The following KLHDC4 variants were observed in gnomAD, a reference collection of about 807,000 sequenced individuals.
KLHDC4 encodes kelch domain-containing protein 4.
In KLHDC4, 90 loss-of-function variants were observed where a neutral mutation model predicts 62.4. The ratio of observed to expected loss-of-function variants is 1.44; its 90% CI spans 1.22 to 1.72. The LOEUF (loss-of-function observed/expected upper bound fraction) is 1.72. Ranked by LOEUF, KLHDC4 falls within the 40% of genes most tolerant of loss-of-function variation. The probability of loss-of-function intolerance (pLI) is 0.00; values close to 1 mark genes in which losing one functional copy is unlikely to be tolerated. For missense variants in KLHDC4, 1,025 were observed against 699.7 expected (o/e 1.47, Z -5.25); for synonymous variants, 386 against 284.4 (o/e 1.36, Z -3.59).
intron 7 of KLHDC4, among the ~76,000 whole-genome samples, chr16:87,716,365 C>T (rs775069913): frequency 6.6e-6 from 1 of 152,168 alleles, no homozygotes; most frequent in Non-Finnish European, 1.5e-5. Flanking sequence ...CGCTATGTCT[C>T]GTGGATACTG....
intron 5 of KLHDC4, among the ~76,000 whole-genome samples, chr16:87,748,328 GC>G (rs2043351913): frequency 6.6e-6 from 1 of 152,156 alleles, no homozygotes; most frequent in African/African-American, 2.4e-5. Flanking sequence ...TCGCTATGGG[GC>G]CCCCCTTCCA....
exon 1 of KLHDC4, chr16:87,698,313 C>CTTT (rs2033987710): frequency 6.6e-6 from 1 of 152,168 alleles, no homozygotes; most frequent in East Asian, 1.9e-4. Flanking sequence ...TCTTTTCCAT[C>CTTT]TTTTAGTAGC....
Position 87,730,613 on chromosome 16 carries a change from G to A in KLHDC4, c.538C>T (p.His180Tyr). ...TGTCTCTTCCAGGCCACCATCCGAT[G>A]TCCACTCCGACCCGAAGGACCGCCT... Reference protein sequence around the residue: ...STGGPSGRSGHRMVAWKRQLI... With the variant: ...STGGPSGRSGYRMVAWKRQLI... The change falls in exon 6 of 12, where the codon CAT (histidine) becomes TAT (tyrosine). Residue 180 changes from histidine to tyrosine, a missense_variant. His to Tyr is a moderately conservative substitution (Grantham distance 83). Coordinates refer to ENST00000270583, the MANE Select transcript of KLHDC4 (RefSeq NM_017566.4). 3.1e-6 allele frequency: 5 copies of A among 1,613,392 alleles called. No individual in the cohort carries two copies. Among genetic ancestry groups the A allele is most frequent in the Non-Finnish European group, 4.2e-6 (5 of 1,179,858 alleles).
chr16:87,712,259 T>C (rs1409053111), intron 8 of KLHDC4, among the ~76,000 whole-genome samples: 3 of 152,012 alleles, frequency 2.0e-5, no homozygotes, highest in African/African-American at 7.3e-5. Context: ...ATGGAGATTT[T>C]TTTCCTCCAA....
At chr16:87,745,170 G>A (rs985096683) in intron 5 of KLHDC4, among the ~76,000 whole-genome samples, 5 of 152,196 alleles carry the variant, frequency 3.3e-5, no homozygotes, top group African/African-American at 1.2e-4. Flanking sequence ...CCCACTGAGC[G>A]GTGGGGGCAT....
chr16:87,723,966 A>G (rs1205204412), intron 7 of KLHDC4, among the ~76,000 whole-genome samples: 2 of 152,112 alleles, frequency 1.3e-5, no homozygotes, highest in East Asian at 1.9e-4. Context: ...CCTCCCGAGT[A>G]GCTGGGATTA....
chr16:87,701,445 T>G (rs2142875691), exon 1 of KLHDC4: 1 of 347,272 alleles, frequency 2.9e-6, no homozygotes, highest in South Asian at 2.2e-5. Context: ...AAAGTGGAAG[T>G]GCCTGAGCTG....
intron 2 of KLHDC4, chr16:87,757,547 T>G (rs928551121): frequency 2.6e-5 from 4 of 151,746 alleles, no homozygotes; most frequent in Non-Finnish European, 5.9e-5. Flanking sequence ...CAAACAACTT[T>G]CTATTTATTT....
chr16:87,732,287 G>A (rs1266424992), intron 5 of KLHDC4, among the ~76,000 whole-genome samples: 1 of 151,852 alleles, frequency 6.6e-6, no homozygotes, highest in Non-Finnish European at 1.5e-5. Flanking sequence ...GTAGAGATGG[G>A]GTTTCATCAT....
At chr16:87,724,020 T>G (rs1000104680) in intron 7 of KLHDC4, among the ~76,000 whole-genome samples, 1 of 152,240 alleles carries the variant, frequency 6.6e-6, no homozygotes, top group Non-Finnish European at 1.5e-5. Flanking sequence ...TATTTTTCAG[T>G]AGACATGGGG....
chr16:87,744,509 C>T (rs886961838), intron 5 of KLHDC4, among the ~76,000 whole-genome samples: 1 of 149,814 alleles, frequency 6.7e-6, no homozygotes, highest in African/African-American at 2.5e-5. Flanking sequence ...CTTGAACCAG[C>T]GAGGTGGAGG....
At chr16:87,762,220 G>A in intron 1 of KLHDC4, 180 bp from the exon 2 acceptor site, 2 of 1,308,630 alleles carry the variant, frequency 1.5e-6, no homozygotes, top group African/African-American at 3.0e-5. Context: ...ACCAGAGCTT[G>A]ACCTCAAAGG....
At chr16:87,735,384 C>A (rs1014569742) in intron 5 of KLHDC4, among the ~76,000 whole-genome samples, 2 of 152,072 alleles carry the variant, frequency 1.3e-5, no homozygotes, top group African/African-American at 4.8e-5. Context: ...GAGAACCGAG[C>A]GCTGCCACTG....
At chr16:87,700,515 G>GAGGAAAGAGGGTGGAGGGAGGAGGC (rs2034086048) in exon 1 of KLHDC4, 1 of 160,046 alleles carries the variant, frequency 6.2e-6, no homozygotes, top group Non-Finnish European at 1.3e-5. Context: ...AGGGAGGAGG[G>GAGGAAAGAGGGTGGAGGGAGGAGGC]AGGAAAGAGG....
chr16:87,759,671 A>G (rs1814342), intron 2 of KLHDC4, among the ~76,000 whole-genome samples: 105,993 of 151,588 alleles, frequency 0.7, 38,555 homozygotes, highest in African/African-American at 0.89. Context: ...ACTTGAACCT[A>G]GGAGGCTACA....
chr16:87,709,776 G>T, intron 9 of KLHDC4, 109 bp from the exon 10 acceptor site: 1 of 1,308,372 alleles, frequency 7.6e-7, no homozygotes, highest in Non-Finnish European at 1.0e-6. Flanking sequence ...CCACAAGCGT[G>T]GGGAGTGTGT....
At chr16:87,758,846 G>A (rs986630182) in intron 2 of KLHDC4, among the ~76,000 whole-genome samples, 2 of 152,212 alleles carry the variant, frequency 1.3e-5, no homozygotes, top group Non-Finnish European at 2.9e-5. Context: ...GCGACATGAA[G>A]TAATTCCACT....
chr16:87,707,943 G>C lies in KLHDC4; in HGVS notation c.*134C>G. 1 of 466,402 alleles carries C rather than the reference G, an allele frequency of 2.1e-6. No individual in the cohort carries two copies. The highest frequency in any genetic ancestry group is 3.2e-4 in the Middle Eastern group (1 of 3,128). The allele number at this position is 466,402 out of a possible 1,614,324, so 28.9% of individuals were successfully genotyped here. A position where few individuals can be genotyped will look rare whatever the true frequency, so the allele number is the denominator to read the frequency against. ...ACCATGGGAGAAAGTTCACACCCTG[G>C]CCTGGGCCACCCACCTTCAGCTCTC... On this transcript the variant is annotated 3_prime_UTR_variant, in exon 12 of 12. Coordinates refer to ENST00000270583, the MANE Select transcript of KLHDC4 (RefSeq NM_017566.4).
chr16:87,728,569 T>C (rs1800112906), intron 6 of KLHDC4, among the ~76,000 whole-genome samples: 1 of 152,182 alleles, frequency 6.6e-6, no homozygotes, highest in African/African-American at 2.4e-5. Flanking sequence ...AACCTGTAAG[T>C]TCAAAGGAGG....
Sources: allele counts gnomAD v4.1 joint callset (sites outside exome capture counted in the v4.1 genomes callset), GRCh38; gene constraint gnomAD v4.1.1; transcripts MANE v1.5; gene names NCBI Gene and HGNC (gene_info 2026-07-23, HGNC 2026-07-21).